HMCN1: variants seen among roughly 807,000 people sequenced by gnomAD.
HMCN1 encodes hemicentin 1, also known as hemicentin-1.
A neutral mutation model predicts 625.9 loss-of-function variants in HMCN1; 321 were observed. That is an observed-to-expected ratio of 0.51 (90% confidence interval 0.47 to 0.56). The LOEUF (loss-of-function observed/expected upper bound fraction) is 0.56, where lower values mean the gene tolerates loss of function less well. Among genes scored for constraint, HMCN1 ranks in the 20% least tolerant of loss-of-function variants. HMCN1 has a pLI of 0.00. For synonymous variants in HMCN1, 2,425 were observed against 2,417.6 expected, an observed-to-expected ratio of 1.00 and a Z score of -0.09; for missense variants, 6,588 against 6,887.3, an observed-to-expected ratio of 0.96 and a Z score of 1.54.
intron 105 of HMCN1, among the ~76,000 whole-genome samples, chr1:186,185,324 C>T (rs1304261070): frequency 4.0e-5 from 6 of 151,882 alleles, no homozygotes; most frequent in Non-Finnish European, 5.9e-5. Context: ...TTTTTTAATG[C>T]GAGAAGGAAG....
At chr1:186,164,521 G>T (rs1175996425) in intron 97 of HMCN1, among the ~76,000 whole-genome samples, 1 of 152,130 alleles carries the variant, frequency 6.6e-6, no homozygotes, top group African/African-American at 2.4e-5. Flanking sequence ...GGGATTACAG[G>T]CATGAGCCAC....
In HMCN1 at chr1:186,145,890, C is replaced by G. The variant is rs752638682; in HGVS notation, c.14575C>G (p.Gln4859Glu). The change falls in exon 93 of 107, where the codon CAG (glutamine) becomes GAG (glutamate). Residue 4859 changes from glutamine (Q) to glutamate (E), a missense_variant. Coordinates refer to ENST00000271588, the MANE Select transcript of HMCN1 (RefSeq NM_031935.3). ...GGRPCPGDTTQVTRCNVQACP... is the reference protein window; with the variant it reads ...GGRPCPGDTTEVTRCNVQACP... ...CCGTCCCTGTCCCGGAGACACTACTCAGGTGACCAGGTGCAATGTACAAGC... is the reference window on the plus strand; with the variant it reads ...CCGTCCCTGTCCCGGAGACACTACTGAGGTGACCAGGTGCAATGTACAAGC... The G allele has an allele frequency of 1.2e-6, 2 of 1,614,036 alleles. No homozygotes were observed. Among genetic ancestry groups the G allele is most frequent in the Middle Eastern group, 1.7e-4 (1 of 6,058 alleles).
intron 11 of HMCN1, among the ~76,000 whole-genome samples, chr1:185,940,126 T>C (rs1312300121): frequency 2.0e-5 from 3 of 152,202 alleles, no homozygotes; most frequent in Non-Finnish European, 2.9e-5. Context: ...AGTAGAGTGG[T>C]AAAAGTGCTT....
chr1:185,873,632 T>C (rs1663763884), intron 4 of HMCN1, among the ~76,000 whole-genome samples: 1 of 152,040 alleles, frequency 6.6e-6, no homozygotes, highest in Admixed American at 6.6e-5. Context: ...GATATTCCTT[T>C]TAAAGCTTTT....
chr1:185,868,828 T>G (rs564747026), intron 4 of HMCN1, among the ~76,000 whole-genome samples: 36 of 152,244 alleles, frequency 2.4e-4, no homozygotes, highest in Non-Finnish European at 4.3e-4. Context: ...GAAAATTTTA[T>G]AAATATGGAT....
chr1:185,844,695 T>C (rs1416743336), intron 1 of HMCN1, among the ~76,000 whole-genome samples: 1 of 152,198 alleles, frequency 6.6e-6, no homozygotes, highest in Non-Finnish European at 1.5e-5. Context: ...ACCATGAGAA[T>C]TTAAGATGAT....
At chr1:186,053,226 CAT>C (rs750795311) in intron 43 of HMCN1, 152 bp downstream of exon 43, 8 of 686,428 alleles carry the variant, frequency 1.2e-5, no homozygotes, top group Non-Finnish European at 1.5e-5. Context: ...AAATGTGCAA[CAT>C]GTGATACTTC....
At chr1:186,001,853 A>G in intron 28 of HMCN1, 112 bp downstream of exon 28, 1 of 883,620 alleles carries the variant, frequency 1.1e-6, no homozygotes, top group South Asian at 1.6e-5. Flanking sequence ...GAAAAACTAT[A>G]GTTTCATTCT....
In HMCN1 at chr1:186,017,043, G is replaced by A. The variant is rs1654412479; in HGVS notation, c.5272G>A (p.Val1758Met). The change falls in exon 33 of 107, where the codon GTG (valine) becomes ATG (methionine). Residue 1758 changes from valine (V) to methionine (M), a missense_variant. Physicochemically the swap from Val to Met is conservative, Grantham distance 21. Coordinates refer to ENST00000271588, the MANE Select transcript of HMCN1 (RefSeq NM_031935.3). ...TAACTTACTGGAGCTAGATTGTCAT[G>A]TGACAGGCTCTCCCCCACCAACTAT... Reference protein sequence around the residue: ...VNNLLELDCHVTGSPPPTIMW... With the variant: ...VNNLLELDCHMTGSPPPTIMW... The A allele has an allele frequency of 1.2e-6, 2 of 1,604,676 alleles. No homozygotes were observed. The highest frequency in any genetic ancestry group is 1.3e-5 in the African/African-American group (1 of 74,710).
At position 186,015,323 on chromosome 1, in the gene HMCN1, AAAG is replaced by A. The variant is rs770818573; in HGVS notation, c.4796_4798del (p.Lys1599_Gly1600delinsArg). 1.2e-6 allele frequency: 2 copies of A among 1,613,690 alleles called. No homozygotes were observed. Among genetic ancestry groups the A allele is most frequent in the Non-Finnish European group, 1.7e-6 (2 of 1,179,798 alleles). ...CAGCTCACAAGCACTTTATATTGAT[AAAG>A]GACAATATCTTCATATTCCTCGAGC... On this transcript the variant is annotated inframe_deletion, in exon 31 of 107. Transcript: ENST00000271588.
Position 185,779,486 on chromosome 1 carries a change from C to T in HMCN1, c.268+44439C>T, listed in dbSNP as rs1328049951. 2.6e-5 allele frequency among the ~76,000 whole-genome samples: 4 copies of T among 152,298 alleles called. No homozygotes were observed. The South Asian group carries it at 6.2e-4, about 24-fold the overall frequency. On this transcript the variant is annotated intron_variant, in intron 1 of 106. Transcript: ENST00000271588. The stretch of plus-strand genomic sequence containing the variant: ...AGAGTTTTTATGGTTTTAGGTCTAA[C>T]ATTTAAGTCTTTAATCCATCTTGAA...
chr1:185,887,393 G>C (rs1328789269), intron 4 of HMCN1, among the ~76,000 whole-genome samples: 2 of 151,278 alleles, frequency 1.3e-5, no homozygotes, highest in South Asian at 4.2e-4. Context: ...TGCCATGCTG[G>C]TGTGCTGCAC....
At chr1:185,779,396 G>C (rs1037888122) in intron 1 of HMCN1, among the ~76,000 whole-genome samples, 1 of 152,122 alleles carries the variant, frequency 6.6e-6, no homozygotes, top group Non-Finnish European at 1.5e-5. Flanking sequence ...ATTGCTTTTG[G>C]GGTTTTAGAC....
rs1401386598 is a variant in HMCN1 at position 186,003,643 on chromosome 1, T to C, written c.4349-75T>C. ...TCTTGTTGAAATACTATAGAAATCA[T>C]TGACTGCTTTCTAACCCCATGCCTG... On this transcript the variant is annotated intron_variant, in intron 28 of 106. Transcript: ENST00000271588. The C allele has an allele frequency of 2.4e-5, 33 of 1,366,664 alleles. 1 individual carries two copies. The highest frequency in any genetic ancestry group is 2.0e-4 in the African/African-American group (14 of 69,872). 84.7% of individuals were successfully genotyped at this position (1,366,664 alleles called of 1,614,324 possible). A position where few individuals can be genotyped will look rare whatever the true frequency, so the allele number is the denominator to read the frequency against.
chr1:185,906,307 G>T (rs993962309), intron 4 of HMCN1, among the ~76,000 whole-genome samples: 1 of 151,766 alleles, frequency 6.6e-6, no homozygotes, highest in Non-Finnish European at 1.5e-5. Context: ...AGTGATTTGA[G>T]ATTCTTGACA....
chr1:185,817,104 G>T (rs1389468895), intron 1 of HMCN1, among the ~76,000 whole-genome samples: 2 of 152,194 alleles, frequency 1.3e-5, no homozygotes, highest in African/African-American at 4.8e-5. Flanking sequence ...GCTGTAGTAG[G>T]TGTGATGGTA....
intron 82 of HMCN1, among the ~76,000 whole-genome samples, chr1:186,127,471 A>T (rs1661704470): frequency 6.6e-6 from 1 of 152,062 alleles, no homozygotes; most frequent in Non-Finnish European, 1.5e-5. Flanking sequence ...AGCCCCAAAA[A>T]AGGTTGGAGA....
At chr1:185,959,240 C>T (rs1649839993) in intron 11 of HMCN1, among the ~76,000 whole-genome samples, 1 of 152,080 alleles carries the variant, frequency 6.6e-6, no homozygotes, top group Non-Finnish European at 1.5e-5. Flanking sequence ...TTACCAGAAG[C>T]TTAAGAGCAA....
intron 1 of HMCN1, among the ~76,000 whole-genome samples, chr1:185,827,812 C>T (rs899425425): frequency 6.6e-6 from 1 of 151,184 alleles, no homozygotes; most frequent in African/African-American, 2.4e-5. Flanking sequence ...AACATAAAAA[C>T]ATATCCAAGT....
Sources: allele counts gnomAD v4.1 joint callset (sites outside exome capture counted in the v4.1 genomes callset), GRCh38; gene constraint gnomAD v4.1.1; transcripts MANE v1.5; gene names NCBI Gene and HGNC (gene_info 2026-07-23, HGNC 2026-07-21).